DAB1: variants seen among roughly 807,000 people sequenced by gnomAD.
DAB1 encodes the protein DAB adaptor protein 1.
DAB1 carries 15 observed loss-of-function variants against 64.6 expected under a neutral mutation model. The observed-to-expected ratio is 0.23, with a 90% confidence interval of 0.16 to 0.36. The LOEUF (loss-of-function observed/expected upper bound fraction) is 0.36, where lower values mean the gene tolerates loss of function less well. DAB1 is among the 10% of genes least tolerant of loss of function. DAB1 has a pLI of 1.00. For synonymous variants in DAB1, 235 were observed against 251.9 expected, an observed-to-expected ratio of 0.93 and a Z score of 0.64; for missense variants, 596 against 706.7, an observed-to-expected ratio of 0.84 and a Z score of 1.78.
At chr1:57,178,988 G>C (rs1242292900) in intron 2 of DAB1, among the ~76,000 whole-genome samples, 2 of 152,140 alleles carry the variant, frequency 1.3e-5, no homozygotes, top group Non-Finnish European at 2.9e-5. Context: ...CACTTAGGTT[G>C]CTTTTCATAT....
intron 7 of DAB1, among the ~76,000 whole-genome samples, chr1:57,575,581 G>T (rs952400903): frequency 2.0e-5 from 3 of 152,194 alleles, no homozygotes; most frequent in African/African-American, 7.2e-5. Flanking sequence ...CAATGAAAAT[G>T]ATAAGACAGT....
chr1:58,536,374 G>A, intron 1 of DAB1: 4 of 610,754 alleles, frequency 6.5e-6, no homozygotes, highest in Non-Finnish European at 8.8e-6. Context: ...TGAAAGGTCT[G>A]AGGCCTTCGG....
chr1:57,107,536 C>A (rs1267911680), intron 4 of DAB1, among the ~76,000 whole-genome samples: 2 of 152,016 alleles, frequency 1.3e-5, no homozygotes, highest in Non-Finnish European at 2.9e-5. Flanking sequence ...GGGATACCCC[C>A]ACCCAGAACA....
At chr1:57,304,698 C>A (rs1462158396) in intron 1 of DAB1, among the ~76,000 whole-genome samples, 2 of 152,056 alleles carry the variant, frequency 1.3e-5, no homozygotes, top group Admixed American at 6.6e-5. Flanking sequence ...GCCTTCCCTT[C>A]CCTCTATTTC....
At position 57,751,562 on chromosome 1, in the gene DAB1, C is replaced by A. The variant is rs749548087; in HGVS notation, n.552-101897G>T. On this transcript the variant is annotated intron_variant and non_coding_transcript_variant, in intron 6 of 20. Transcript: ENST00000485760. Reference sequence around the variant, plus strand: ...GTGACTTTTAACTACAAGAGGCTGACCAGATCAAAGGCTTAAAACCTGTTG... The same window carrying A: ...GTGACTTTTAACTACAAGAGGCTGAACAGATCAAAGGCTTAAAACCTGTTG... Among the ~76,000 whole-genome samples, 72 of 151,762 alleles carry A rather than the reference C, an allele frequency of 4.7e-4. 1 individual carries two copies. Among genetic ancestry groups the A allele is most frequent in the Non-Finnish European group, 6.5e-4 (44 of 67,992 alleles).
chr1:57,303,972 T>C (rs991308939), intron 1 of DAB1, among the ~76,000 whole-genome samples: 3 of 152,190 alleles, frequency 2.0e-5, no homozygotes, highest in African/African-American at 4.8e-5. Context: ...AGCCTGAAGC[T>C]CCTACTCTGA....
At chr1:57,240,169 C>T (rs1416831166) in intron 2 of DAB1, among the ~76,000 whole-genome samples, 2 of 152,086 alleles carry the variant, frequency 1.3e-5, no homozygotes, top group Non-Finnish European at 2.9e-5. Flanking sequence ...TTCCTAAATC[C>T]TCCAGTACCA....
At chr1:57,081,534 A>G (rs1652558277) in intron 4 of DAB1, among the ~76,000 whole-genome samples, 1 of 151,738 alleles carries the variant, frequency 6.6e-6, no homozygotes, top group African/African-American at 2.4e-5. Flanking sequence ...GGATTCTCTC[A>G]GGTTGGATTT....
At chr1:58,214,376 G>A (rs1426620752) in intron 4 of DAB1, among the ~76,000 whole-genome samples, 1 of 152,180 alleles carries the variant, frequency 6.6e-6, no homozygotes, top group Non-Finnish European at 1.5e-5. Flanking sequence ...GCTTAAACCT[G>A]AAGGAATATC....
chr1:58,098,275 G>A (rs1296186263), intron 5 of DAB1, among the ~76,000 whole-genome samples: 2 of 152,170 alleles, frequency 1.3e-5, no homozygotes, highest in African/African-American at 4.8e-5. Flanking sequence ...TTACAAAGGT[G>A]TAGGACAAGC....
At chr1:57,855,616 A>G (rs1437553151) in intron 1 of DAB1, among the ~76,000 whole-genome samples, 1 of 152,184 alleles carries the variant, frequency 6.6e-6, no homozygotes, top group Non-Finnish European at 1.5e-5. Context: ...GGGCAAAGAA[A>G]CAGAGGAAGA....
chr1:57,923,346 A>G (rs1413267849), intron 5 of DAB1, among the ~76,000 whole-genome samples: 2 of 152,186 alleles, frequency 1.3e-5, no homozygotes, highest in Non-Finnish European at 2.9e-5. Flanking sequence ...TCAAACGCCC[A>G]GGAGCCAGCT....
intron 7 of DAB1, among the ~76,000 whole-genome samples, chr1:57,527,667 C>T (rs1272204216): frequency 2.6e-5 from 4 of 152,088 alleles, no homozygotes; most frequent in Non-Finnish European, 5.9e-5. Flanking sequence ...TTGCACAGAG[C>T]ACTGTGCTGG....
chr1:58,338,775 A>G (rs544368984), intron 4 of DAB1, among the ~76,000 whole-genome samples: 1 of 152,342 alleles, frequency 6.6e-6, no homozygotes, highest in East Asian at 1.9e-4. Context: ...TCAATAGATA[A>G]CTTCATAAAC....
intron 3 of DAB1, among the ~76,000 whole-genome samples, chr1:58,367,947 G>A (rs1184007617): frequency 6.6e-6 from 1 of 152,144 alleles, no homozygotes; most frequent in African/African-American, 2.4e-5. Context: ...TGTCCTTCTG[G>A]ATGCAGTATA....
intron 7 of DAB1, among the ~76,000 whole-genome samples, chr1:57,541,706 T>C (rs1644805303): frequency 6.6e-6 from 1 of 152,196 alleles, no homozygotes; most frequent in South Asian, 2.1e-4. Context: ...ATGTTTGCTT[T>C]GGGCCTTAGA....
At chr1:57,619,527 T>C (rs1013398120) in intron 7 of DAB1, among the ~76,000 whole-genome samples, 1 of 152,050 alleles carries the variant, frequency 6.6e-6, no homozygotes, top group Non-Finnish European at 1.5e-5. Flanking sequence ...CAGCCTCCAA[T>C]TAGCTAGGAC....
At chr1:57,935,137 A>G (rs1645007104) in intron 5 of DAB1, among the ~76,000 whole-genome samples, 1 of 152,204 alleles carries the variant, frequency 6.6e-6, no homozygotes. Flanking sequence ...GAAACCTGGC[A>G]CTTGTAACAT....
intron 5 of DAB1, among the ~76,000 whole-genome samples, chr1:57,894,749 A>G (rs1403984960): frequency 6.6e-6 from 1 of 152,172 alleles, no homozygotes; most frequent in African/African-American, 2.4e-5. Flanking sequence ...GGGCAACAGC[A>G]AAAGGGAAAG....
Sources: allele counts gnomAD v4.1 joint callset (sites outside exome capture counted in the v4.1 genomes callset), GRCh38; gene constraint gnomAD v4.1.1; transcripts MANE v1.5; gene names NCBI Gene and HGNC (gene_info 2026-07-23, HGNC 2026-07-21).